MRAP2: variants seen among roughly 807,000 people sequenced by gnomAD.
MRAP2 encodes melanocortin-2 receptor accessory protein 2.
A neutral mutation model predicts 17.4 loss-of-function variants in MRAP2; 20 were observed. That is an observed-to-expected ratio of 1.15 (90% CI 0.81 to 1.67). MRAP2 has a LOEUF of 1.67. MRAP2 is among the 40% of genes most tolerant of loss of function. The probability of loss-of-function intolerance (pLI) is 0.00; values close to 1 mark genes in which losing one functional copy is unlikely to be tolerated. For missense variants in MRAP2, 238 were observed against 240.0 expected, an observed-to-expected ratio of 0.99 and a Z score of 0.05; for synonymous variants, 96 against 88.4, an observed-to-expected ratio of 1.09 and a Z score of -0.48.
chr6:84,079,284 G>GA (rs2099498376), intron 3 of MRAP2, among the ~76,000 whole-genome samples: 1 of 152,004 alleles, frequency 6.6e-6, no homozygotes, highest in Non-Finnish European at 1.5e-5. Flanking sequence ...TTGAGCAAAA[G>GA]AACCCAAGCA....
At chr6:84,136,260 C>T in the MRAP2 span, among the ~76,000 whole-genome samples, 1 of 152,194 alleles carries the variant, frequency 6.6e-6, no homozygotes, top group Non-Finnish European at 1.5e-5. Flanking sequence ...CTGTTTTCTG[C>T]TGGTATAACC....
At chr6:84,100,571 T>G in the MRAP2 span, among the ~76,000 whole-genome samples, 1 of 152,182 alleles carries the variant, frequency 6.6e-6, no homozygotes, top group Non-Finnish European at 1.5e-5. Flanking sequence ...CTGGCCAGAA[T>G]CAGTTTTTAA....
In MRAP2 at chr6:84,089,170, G is replaced by C. The variant is rs1417948914; in HGVS notation, c.307G>C (p.Val103Leu). The C allele has an allele frequency of 6.8e-6, 11 of 1,614,052 alleles. No individual in the cohort carries two copies. The highest frequency in any genetic ancestry group is 9.3e-6 in the Non-Finnish European group (11 of 1,180,038). ...TGGAAGACCTCTGGAGCCAGATAAA[G>C]TATTTTCTCGCCAAGGCAACGAGGA... ...DFGRPLEPDK[V>L]FSRQGNEESR... The change falls in exon 4 of 4, where the codon GTA becomes CTA. Residue 103 changes from valine (V) to leucine (L), a missense_variant. Physicochemically the swap from Val to Leu is conservative, Grantham distance 32. Coordinates refer to ENST00000257776, the MANE Select transcript of MRAP2 (RefSeq NM_138409.4).
At chr6:84,071,642 G>A (rs1198549681) in intron 3 of MRAP2, among the ~76,000 whole-genome samples, 1 of 152,108 alleles carries the variant, frequency 6.6e-6, no homozygotes, top group East Asian at 1.9e-4. Context: ...GGAAGGCTGG[G>A]GAAGTTTTCC....
chr6:84,120,235 T>C, the MRAP2 span, among the ~76,000 whole-genome samples: 2 of 152,224 alleles, frequency 1.3e-5, no homozygotes, highest in Non-Finnish European at 2.9e-5. Flanking sequence ...ACCATTTGGA[T>C]GGTGCCTGTC....
rs112316846 is a variant in MRAP2 at position 84,064,689 on chromosome 6, A to T, written c.227+1697A>T. Among the ~76,000 whole-genome samples, 101 of 152,138 alleles carry T rather than the reference A, an allele frequency of 6.6e-4. 1 individual carries two copies. The highest frequency in any genetic ancestry group is 2.3e-3 in the African/African-American group (97 of 41,522). ...TTTTTAGTAGAGACAGGGTTTCACC[A>T]TGTTAGCCAGGATGGTCTCGATCTG... is the stretch of plus-strand genomic sequence containing the variant. On this transcript the variant is annotated intron_variant, in intron 3 of 3. Transcript: ENST00000257776.
At chr6:84,138,749 A>G in the MRAP2 span, among the ~76,000 whole-genome samples, 1 of 152,204 alleles carries the variant, frequency 6.6e-6, no homozygotes, top group African/African-American at 2.4e-5. Context: ...TGACTTCATT[A>G]TCTTGCAAAC....
In MRAP2 at chr6:84,090,334, A is replaced by T. The variant is rs149589398; in HGVS notation, c.*853A>T. 3.9e-5 allele frequency: 6 copies of T among 152,172 alleles called. No individual in the cohort carries two copies. The highest frequency in any genetic ancestry group is 1.2e-4 in the African/African-American group (5 of 41,438). 9.4% of individuals were successfully genotyped at this position (152,172 alleles called of 1,614,324 possible). On this transcript the variant is annotated 3_prime_UTR_variant, in exon 4 of 4. Coordinates refer to ENST00000257776, the MANE Select transcript of MRAP2 (RefSeq NM_138409.4). Reference sequence around the variant, plus strand: ...GTCAGGAGACTCATCTTACACAGTCATGGTGGCCAATGTTTCTGGTGGGTT... The same window carrying T: ...GTCAGGAGACTCATCTTACACAGTCTTGGTGGCCAATGTTTCTGGTGGGTT...
In MRAP2 at chr6:84,067,581, G is replaced by C. The variant is rs184086169; in HGVS notation, c.227+4589G>C. 1.4e-4 allele frequency among the ~76,000 whole-genome samples: 22 copies of C among 152,288 alleles called. 1 individual carries two copies. The highest frequency in any genetic ancestry group is 5.3e-4 in the African/African-American group (22 of 41,558). On this transcript the variant is annotated intron_variant, in intron 3 of 3. Coordinates refer to ENST00000257776, the MANE Select transcript of MRAP2 (RefSeq NM_138409.4). The stretch of plus-strand genomic sequence containing the variant: ...TTTTTTGATTATGGCCATTCTTGCA[G>C]GAGTAAGGTGATATCGCACTGTGGC...
the MRAP2 span, among the ~76,000 whole-genome samples, chr6:84,112,377 T>C: frequency 6.6e-6 from 1 of 152,218 alleles, no homozygotes; most frequent in African/African-American, 2.4e-5. Context: ...CTTGATTTTC[T>C]AGTTAATTTG....
At chr6:84,057,367 C>T (rs923105827) in intron 2 of MRAP2, among the ~76,000 whole-genome samples, 5 of 152,186 alleles carry the variant, frequency 3.3e-5, no homozygotes, top group African/African-American at 1.2e-4. Context: ...ATGACCATAA[C>T]AGTTATCTTT....
the MRAP2 span, chr6:84,126,242 T>C: frequency 1.9e-6 from 1 of 536,518 alleles, no homozygotes. Flanking sequence ...TATAAATTTA[T>C]TAAATTTTTA....
intron 3 of MRAP2, among the ~76,000 whole-genome samples, chr6:84,085,145 C>T (rs1442365574): frequency 6.6e-6 from 1 of 151,640 alleles, no homozygotes; most frequent in African/African-American, 2.4e-5. Flanking sequence ...AGCTCCACCT[C>T]CCAGGTTCAC....
intron 3 of MRAP2, among the ~76,000 whole-genome samples, chr6:84,075,543 A>G (rs180852624): frequency 6.6e-6 from 1 of 152,260 alleles, no homozygotes; most frequent in East Asian, 1.9e-4. Flanking sequence ...CTAAGGAACC[A>G]TTTACTCTGC....
At chr6:84,086,846 T>C (rs1588662912) in intron 3 of MRAP2, among the ~76,000 whole-genome samples, 1 of 152,296 alleles carries the variant, frequency 6.6e-6, no homozygotes, top group African/African-American at 2.4e-5. Context: ...GGGTGACTAA[T>C]GGACTTTAAT....
chr6:84,044,499 G>T (rs1412371594), intron 1 of MRAP2, among the ~76,000 whole-genome samples: 1 of 152,232 alleles, frequency 6.6e-6, no homozygotes, highest in Non-Finnish European at 1.5e-5. Context: ...AGATCAAGGT[G>T]CTGGTCACAT....
At chr6:84,076,737 C>G (rs2099497731) in intron 3 of MRAP2, among the ~76,000 whole-genome samples, 1 of 152,230 alleles carries the variant, frequency 6.6e-6, no homozygotes, top group African/African-American at 2.4e-5. Flanking sequence ...CTGCCCACCA[C>G]TTTTCATGAG....
chr6:84,045,667 G>A (rs1475154724), intron 1 of MRAP2, among the ~76,000 whole-genome samples: 2 of 152,144 alleles, frequency 1.3e-5, no homozygotes, highest in Admixed American at 6.5e-5. Context: ...GGAGGCTGAA[G>A]CATGAGAATG....
chr6:84,099,099 G>A, the MRAP2 span, among the ~76,000 whole-genome samples: 2 of 149,520 alleles, frequency 1.3e-5, no homozygotes, highest in Non-Finnish European at 3.0e-5. Flanking sequence ...ATTAAGGTTC[G>A]TGATTCATTT....
Sources: allele counts gnomAD v4.1 joint callset (sites outside exome capture counted in the v4.1 genomes callset), GRCh38; gene constraint gnomAD v4.1.1; transcripts MANE v1.5; gene names NCBI Gene and HGNC (gene_info 2026-07-23, HGNC 2026-07-21).